Variants in UGT3A1 observed in about 807,000 individuals in gnomAD.
UGT3A1 encodes the protein UDP glycosyltransferase family 3 member A1.
UGT3A1 carries 40 observed loss-of-function variants against 37.6 expected under a neutral mutation model. That is an observed-to-expected ratio of 1.06 (90% CI 0.83 to 1.38). UGT3A1 has a LOEUF of 1.38. Ranked by LOEUF, UGT3A1 falls within the 40% of genes most tolerant of loss-of-function variation. The probability of loss-of-function intolerance (pLI) is 0.00; values close to 1 mark genes in which losing one functional copy is unlikely to be tolerated. For synonymous variants in UGT3A1, 256 were observed against 232.3 expected (o/e 1.10, Z -0.93); for missense variants, 642 against 634.2 (o/e 1.01, Z -0.13).
chr5:35,960,817 A>G (rs1739552301), intron 4 of UGT3A1: 2 of 152,112 alleles, frequency 1.3e-5, no homozygotes, highest in Non-Finnish European at 2.9e-5. Context: ...GCTGGAAAGG[A>G]GACGGAATGG....
upstream of UGT3A1, chr5:35,991,522 C>A (rs1047273584): frequency 8.2e-7 from 1 of 1,217,396 alleles, no homozygotes; most frequent in Non-Finnish European, 1.0e-6. Flanking sequence ...TCTCTGCCTG[C>A]GTAATCACAG....
At chr5:35,990,439 C>T (rs1334155604) in intron 1 of UGT3A1, among the ~76,000 whole-genome samples, 1 of 152,048 alleles carries the variant, frequency 6.6e-6, no homozygotes, top group African/African-American at 2.4e-5. Context: ...TCATCTTCTA[C>T]TTCCTTTGAA....
chr5:35,978,707 T>G (rs1182242658), intron 2 of UGT3A1, among the ~76,000 whole-genome samples: 2 of 152,054 alleles, frequency 1.3e-5, no homozygotes, highest in East Asian at 3.9e-4. Context: ...CTCCCAAATC[T>G]CACGTCCTCA....
chr5:35,990,718 C>G (rs1740910490), intron 1 of UGT3A1, among the ~76,000 whole-genome samples: 1 of 152,082 alleles, frequency 6.6e-6, no homozygotes, highest in East Asian at 1.9e-4. Flanking sequence ...GTGCCTTTCC[C>G]TGGTCTCCAA....
chr5:35,983,474 A>C (rs1055027914), intron 2 of UGT3A1, among the ~76,000 whole-genome samples: 1 of 152,140 alleles, frequency 6.6e-6, no homozygotes, highest in Non-Finnish European at 1.5e-5. Context: ...CAAACATCCA[A>C]ATAACGAAAC....
chr5:35,991,360 A>C lies in UGT3A1; in HGVS notation c.-120T>G. On this transcript the variant is annotated 5_prime_UTR_variant, in exon 1 of 7. Coordinates refer to ENST00000274278, the MANE Select transcript of UGT3A1 (RefSeq NM_152404.4). ...GGCTGTGGGCCTAGGAAGAGGTAGG[A>C]GACGGATCCTGCCAATTCTCTCGCC... 2 of 1,509,472 alleles carry C rather than the reference A, an allele frequency of 1.3e-6. No homozygotes were observed. 93.5% of individuals were successfully genotyped at this position (1,509,472 alleles called of 1,614,324 possible). A position where few individuals can be genotyped will look rare whatever the true frequency, so the allele number is the denominator to read the frequency against.
At chr5:35,959,636 A>G (rs924238787) in intron 4 of UGT3A1, among the ~76,000 whole-genome samples, 2 of 152,194 alleles carry the variant, frequency 1.3e-5, no homozygotes, top group Non-Finnish European at 2.9e-5. Flanking sequence ...AGTCTGAGAA[A>G]GAAAAAGAAA....
chr5:35,977,050 AAG>A (rs1740310189), intron 2 of UGT3A1, among the ~76,000 whole-genome samples: 1 of 150,894 alleles, frequency 6.6e-6, no homozygotes, highest in Admixed American at 6.6e-5. Flanking sequence ...GAAAGGGAGA[AAG>A]AGAAGAGAAA....
At chr5:35,986,724 T>C (rs1740743348) in intron 2 of UGT3A1, among the ~76,000 whole-genome samples, 2 of 152,228 alleles carry the variant, frequency 1.3e-5, no homozygotes, top group African/African-American at 4.8e-5. Context: ...TACATATCTA[T>C]AGCTTTACAG....
At chr5:35,967,027 C>T in intron 3 of UGT3A1, among the ~76,000 whole-genome samples, 1 of 152,064 alleles carries the variant, frequency 6.6e-6, no homozygotes, top group East Asian at 1.9e-4. Context: ...AAAAGTATAA[C>T]ATTAATCATA....
At chr5:35,956,022 GGATACAA>G (rs1739343437) in intron 5 of UGT3A1, among the ~76,000 whole-genome samples, 158 bp from the exon 6 acceptor site, 1 of 152,236 alleles carries the variant, frequency 6.6e-6, no homozygotes. Flanking sequence ...GAACATTCCA[GGATACAA>G]GATTCAAGCC....
Position 35,955,722 on chromosome 5 carries a change from A to C in UGT3A1, c.1218T>G (p.Tyr406Ter). ...CCTGATTCAACCGGATAGAGACACC[A>C]TAATTTTTGGCTACTACTCGGACCA... ...GNMVRVVAKN[Y>*]GVSIRLNQVT... Residue 406 changes from tyrosine (Y) to a stop codon, truncating the protein, a stop_gained, in exon 6 of 7, where the codon TAT becomes TAG. Transcript: ENST00000274278. LOFTEE classifies it high-confidence loss of function. 1 of 1,614,230 alleles carries C rather than the reference A, an allele frequency of 6.2e-7. No homozygotes were observed. The highest frequency in any genetic ancestry group is 8.5e-7 in the Non-Finnish European group (1 of 1,180,036).
At chr5:35,999,433 C>T (rs1049307647) in intron 1 of UGT3A1, among the ~76,000 whole-genome samples, 2 of 152,078 alleles carry the variant, frequency 1.3e-5, no homozygotes, top group Non-Finnish European at 2.9e-5. Flanking sequence ...GCCCATAAAA[C>T]CTGAAACACT....
At chr5:35,967,917 C>A (rs1482821457) in intron 3 of UGT3A1, 102 bp downstream of exon 3, 3 of 829,812 alleles carry the variant, frequency 3.6e-6, no homozygotes, top group African/African-American at 3.4e-5. Flanking sequence ...CATCACCCAC[C>A]CATCTATTTC....
intron 2 of UGT3A1, among the ~76,000 whole-genome samples, chr5:35,986,668 G>A (rs779660078): frequency 3.3e-5 from 5 of 152,046 alleles, no homozygotes; most frequent in East Asian, 1.9e-4. Context: ...ACTAGAGACC[G>A]GAAATGGTAG....
At chr5:35,984,068 G>T (rs991403392) in intron 2 of UGT3A1, among the ~76,000 whole-genome samples, 1 of 152,114 alleles carries the variant, frequency 6.6e-6, no homozygotes, top group African/African-American at 2.4e-5. Flanking sequence ...TTAGGCAAGA[G>T]AAATAAATAA....
chr5:35,951,360 T>C lies in UGT3A1; in HGVS notation c.*2842A>G, dbSNP rs891180994. On this transcript the variant is annotated 3_prime_UTR_variant, in exon 7 of 7. Transcript: ENST00000274278. Reference sequence around the variant, plus strand: ...TTTTGCAAGGCAATGCACATAGATATGTATTTTTTTCATTATCCCCCATAC... The same window carrying C: ...TTTTGCAAGGCAATGCACATAGATACGTATTTTTTTCATTATCCCCCATAC... 6 of 152,132 alleles carry C rather than the reference T, an allele frequency of 3.9e-5. No individual in the cohort carries two copies. Among genetic ancestry groups the C allele is most frequent in the African/African-American group, 1.4e-4 (6 of 41,438 alleles). The allele number at this position is 152,132 out of a possible 1,614,324, so 9.4% of individuals were successfully genotyped here. A position where few individuals can be genotyped will look rare whatever the true frequency, so the allele number is the denominator to read the frequency against.
Position 35,954,243 on chromosome 5 carries a change from C to T in UGT3A1, c.1531G>A (p.Ala511Thr), listed in dbSNP as rs1395591199. The change falls in exon 7 of 7, where the codon GCC becomes ACC. Residue 511 changes from alanine to threonine, a missense_variant. Physicochemically the swap from Ala to Thr is moderately conservative, Grantham distance 58. Transcript: ENST00000274278. ...WLCGKLLGVV[A>T]RWLRGARKVK... ...TTCCTGGCCCCACGCAGCCACCTGG[C>T]CACCACACCCAGCAGCTTCCCACAA... is the stretch of plus-strand genomic sequence containing the variant. 1 of 1,614,150 alleles carries T rather than the reference C, an allele frequency of 6.2e-7. No homozygotes were observed. The highest frequency in any genetic ancestry group is 1.7e-5 in the Admixed American group (1 of 60,018).
At chr5:35,994,333 T>TTGTGTGTGTGTGTGTG (rs35026618), upstream of UGT3A1, among the ~76,000 whole-genome samples, 16 of 138,638 alleles carry the variant, frequency 1.2e-4, no homozygotes, top group East Asian at 2.2e-4. Context: ...TTTGTTTTGT[T>TTGTGTGTGTGTGTGTG]TGTGTGTGTG....
Sources: allele counts gnomAD v4.1 joint callset (sites outside exome capture counted in the v4.1 genomes callset), GRCh38; gene constraint gnomAD v4.1.1; transcripts MANE v1.5; gene names NCBI Gene and HGNC (gene_info 2026-07-23, HGNC 2026-07-21).